ATL2: variants seen among roughly 807,000 people sequenced by gnomAD.
ATL2 encodes atlastin GTPase 2.
In ATL2, 31 loss-of-function variants were observed where a neutral mutation model predicts 73.9. The ratio of observed to expected loss-of-function variants is 0.42; its 90% confidence interval spans 0.32 to 0.57. The LOEUF (loss-of-function observed/expected upper bound fraction) is 0.57. Among genes scored for constraint, ATL2 ranks in the 20% least tolerant of loss-of-function variants. The pLI is 0.14. For missense variants in ATL2, 738 were observed against 702.6 expected (o/e 1.05, Z -0.57); for synonymous variants, 291 against 237.5 (o/e 1.23, Z -2.07).
chr2:38,357,046 C>T (rs1350554050), intron 1 of ATL2, among the ~76,000 whole-genome samples: 1 of 152,000 alleles, frequency 6.6e-6, no homozygotes. Flanking sequence ...AAAGGTTTAG[C>T]CGGCTGGGTG....
intron 1 of ATL2, among the ~76,000 whole-genome samples, chr2:38,372,708 G>C (rs968664684): frequency 6.6e-6 from 1 of 152,118 alleles, no homozygotes; most frequent in Non-Finnish European, 1.5e-5. Context: ...CACCTTCCAA[G>C]TTGCCTATTT....
intron 1 of ATL2, among the ~76,000 whole-genome samples, chr2:38,357,084 C>A (rs575591841): frequency 6.6e-6 from 1 of 152,154 alleles, no homozygotes; most frequent in South Asian, 2.1e-4. Flanking sequence ...AATCCTAGCA[C>A]TTTGGGAGGC....
At chr2:38,327,657 G>A (rs145626787) in intron 2 of ATL2, among the ~76,000 whole-genome samples, 5,595 of 151,836 alleles carry the variant, frequency 0.037, 131 homozygotes, top group African/African-American at 0.066. Flanking sequence ...AGAAACTGTT[G>A]GCCGGGCACA....
chr2:38,336,963 C>A (rs1008380674), intron 2 of ATL2, among the ~76,000 whole-genome samples: 13 of 152,124 alleles, frequency 8.5e-5, no homozygotes, highest in Admixed American at 4.6e-4. Context: ...CTAGATTCAA[C>A]TAACAACTTA....
chr2:38,353,290 C>G (rs940909490), intron 1 of ATL2, among the ~76,000 whole-genome samples: 1 of 152,082 alleles, frequency 6.6e-6, no homozygotes, highest in East Asian at 1.9e-4. Context: ...AATTCTAGAA[C>G]TGACAAGTAC....
At chr2:38,344,396 G>T (rs1002780833) in intron 1 of ATL2, among the ~76,000 whole-genome samples, 1 of 152,176 alleles carries the variant, frequency 6.6e-6, no homozygotes, top group South Asian at 2.1e-4. Flanking sequence ...GATCACCTGA[G>T]GTCAGGAGTT....
chr2:38,350,986 A>C (rs913119107), intron 1 of ATL2, among the ~76,000 whole-genome samples: 1 of 152,218 alleles, frequency 6.6e-6, no homozygotes, highest in African/African-American at 2.4e-5. Flanking sequence ...TGTAGCATTA[A>C]TGTTAGATTA....
At position 38,309,452 on chromosome 2, in the gene ATL2, G is replaced by C; in HGVS notation, c.998C>G (p.Ala333Gly). ...CTCTTTTTCTACCAAATTTTCAGGG[G>C]CAAGCAGCAATGGAACCAGATTTCG... is the stretch of plus-strand genomic sequence containing the variant. ...ELRNLVPLLLAPENLVEKEIS... is the reference protein window; with the variant it reads ...ELRNLVPLLLGPENLVEKEIS... The change falls in exon 9 of 13, where the codon GCC becomes GGC. Residue 333 changes from alanine (A) to glycine (G), a missense_variant. By Grantham distance (60) the Ala-to-Gly change is moderately conservative. Coordinates refer to ENST00000378954, the MANE Select transcript of ATL2 (RefSeq NM_001135673.4). 1 of 1,612,598 alleles carries C rather than the reference G, an allele frequency of 6.2e-7. No homozygotes were observed. Among genetic ancestry groups the C allele is most frequent in the Non-Finnish European group, 8.5e-7 (1 of 1,179,674 alleles).
chr2:38,320,273 T>A lies in ATL2; in HGVS notation c.364-1254A>T, dbSNP rs1668248105. 2.6e-5 allele frequency among the ~76,000 whole-genome samples: 4 copies of A among 152,226 alleles called. No individual in the cohort carries two copies. In the South Asian group the frequency reaches 8.3e-4, roughly 32 times the overall value. ...TGTTAAATTAGGGTAAGGAAGATTG[T>A]TTGGTGTGCTAATGATACTGTGGTT... On this transcript the variant is annotated intron_variant, in intron 2 of 12. Transcript: ENST00000378954.
intron 9 of ATL2, 99 bp from the exon 10 acceptor site, chr2:38,300,427 A>T: frequency 1.3e-6 from 1 of 765,644 alleles, no homozygotes; most frequent in Non-Finnish European, 2.2e-6. Context: ...AATTAACACC[A>T]TTAAAAGTAA....
chr2:38,322,956 T>C (rs1668405434), intron 2 of ATL2, among the ~76,000 whole-genome samples: 1 of 152,222 alleles, frequency 6.6e-6, no homozygotes, highest in Non-Finnish European at 1.5e-5. Flanking sequence ...TAAAAGTGTA[T>C]AATTTCTCTA....
At chr2:38,346,396 A>T (rs1670017157) in intron 1 of ATL2, among the ~76,000 whole-genome samples, 1 of 152,100 alleles carries the variant, frequency 6.6e-6, no homozygotes, top group Non-Finnish European at 1.5e-5. Context: ...GTTACAGAGG[A>T]CTAATGACTA....
chr2:38,319,762 C>T (rs1167163046), intron 2 of ATL2, among the ~76,000 whole-genome samples: 1 of 152,144 alleles, frequency 6.6e-6, no homozygotes, highest in East Asian at 1.9e-4. Flanking sequence ...ACTGCTTTCT[C>T]AGAATAGCTT....
intron 2 of ATL2, among the ~76,000 whole-genome samples, chr2:38,323,437 C>G (rs894403071): frequency 7.5e-6 from 1 of 132,460 alleles, no homozygotes; most frequent in African/African-American, 2.7e-5. Context: ...CTCAAGCAAT[C>G]CTCCCACCTC....
intron 2 of ATL2, among the ~76,000 whole-genome samples, chr2:38,333,296 G>C (rs1164096057): frequency 1.3e-5 from 2 of 151,776 alleles, no homozygotes; most frequent in Non-Finnish European, 2.9e-5. Flanking sequence ...CTCTAAAAAA[G>C]TTAAAATAAT....
chr2:38,364,035 A>G (rs2124476099), intron 1 of ATL2, among the ~76,000 whole-genome samples: 2 of 152,212 alleles, frequency 1.3e-5, no homozygotes, highest in Admixed American at 1.3e-4. Context: ...AGGCCAAGGC[A>G]GGCAGATCAT....
At chr2:38,373,742 G>A (rs1029827225) in intron 1 of ATL2, among the ~76,000 whole-genome samples, 4 of 152,170 alleles carry the variant, frequency 2.6e-5, no homozygotes, top group African/African-American at 9.7e-5. Context: ...AGTTATTTTG[G>A]CTTTGCACTT....
chr2:38,301,953 G>C (rs1383781468), intron 9 of ATL2, among the ~76,000 whole-genome samples: 1 of 152,172 alleles, frequency 6.6e-6, no homozygotes, highest in Non-Finnish European at 1.5e-5. Flanking sequence ...AGAGGAGAGG[G>C]GAGAGTAAAG....
At chr2:38,339,705 T>G (rs1669589934) in intron 2 of ATL2, among the ~76,000 whole-genome samples, 1 of 152,150 alleles carries the variant, frequency 6.6e-6, no homozygotes, top group African/African-American at 2.4e-5. Flanking sequence ...TTTATTTATT[T>G]TTGAGACAGA....
Sources: gnomAD v4.1 joint callset for allele counts (sites outside exome capture counted in the v4.1 genomes callset) on GRCh38, gnomAD v4.1.1 for gene constraint, MANE v1.5 for transcripts, NCBI Gene and HGNC (gene_info 2026-07-23, HGNC 2026-07-21) for gene names.